MARCHF1: variants seen among roughly 807,000 people sequenced by gnomAD.
MARCHF1 encodes membrane associated ring-CH-type finger 1.
Under a neutral mutation model 54.2 loss-of-function variants are expected in MARCHF1, and 40 were observed. The ratio of observed to expected loss-of-function variants is 0.74; its 90% CI spans 0.57 to 0.96. The LOEUF is 0.96. MARCHF1 is among the 40% of genes least tolerant of loss of function. The pLI is 0.00. For synonymous variants in MARCHF1, 236 were observed against 236.3 expected, an observed-to-expected ratio of 1.00 and a Z score of 0.01; for missense variants, 586 against 656.5, an observed-to-expected ratio of 0.89 and a Z score of 1.17.
intron 4 of MARCHF1, among the ~76,000 whole-genome samples, chr4:163,790,648 G>T (rs1044776250): frequency 6.6e-6 from 1 of 152,106 alleles, no homozygotes; most frequent in African/African-American, 2.4e-5. Flanking sequence ...CTTTGTATCT[G>T]CAGTATAAGC....
intron 2 of MARCHF1, among the ~76,000 whole-genome samples, chr4:164,081,767 C>A (rs1755106498): frequency 6.6e-6 from 1 of 152,126 alleles, no homozygotes; most frequent in Admixed American, 6.6e-5. Flanking sequence ...GAAACCAGAT[C>A]ATTGGTCCTT....
chr4:163,894,574 C>CATATAT (rs1553961546), intron 3 of MARCHF1, among the ~76,000 whole-genome samples: 2 of 64,382 alleles, frequency 3.1e-5, no homozygotes, highest in African/African-American at 1.1e-4. Flanking sequence ...TATATATATG[C>CATATAT]ATGTGATGCA....
intron 1 of MARCHF1, among the ~76,000 whole-genome samples, chr4:164,214,935 G>A (rs1281638318): frequency 1.3e-5 from 2 of 152,078 alleles, no homozygotes; most frequent in African/African-American, 4.8e-5. Context: ...TGCCCCCGCC[G>A]CTCAAACCTC....
Position 163,828,054 on chromosome 4 carries a change from C to CACACACACACACAG in MARCHF1, c.111+25966_111+25967insCTGTGTGTGTGTGT, listed in dbSNP as rs774603753. On this transcript the variant is annotated intron_variant, in intron 4 of 9. Coordinates refer to ENST00000514618, the MANE Select transcript of MARCHF1 (RefSeq NM_001394959.1). The stretch of plus-strand genomic sequence containing the variant: ...ACACACACACACACACACACACACA[C>CACACACACACACAG]AGACACACCTTGTCATTCTCCTCCT... 1.8e-4 allele frequency among the ~76,000 whole-genome samples: 26 copies of CACACACACACACAG among 148,312 alleles called. No individual in the cohort carries two copies. The East Asian group carries it at 2.6e-3, about 15-fold the overall frequency.
chr4:164,220,539 AT>A (rs1732067718), intron 1 of MARCHF1, among the ~76,000 whole-genome samples: 1 of 145,764 alleles, frequency 6.9e-6, no homozygotes, highest in Non-Finnish European at 1.5e-5. Flanking sequence ...ATATATATCT[AT>A]ATATGTACTA....
At chr4:164,335,872 T>C (rs1424285929) in intron 1 of MARCHF1, among the ~76,000 whole-genome samples, 1 of 152,128 alleles carries the variant, frequency 6.6e-6, no homozygotes, top group Non-Finnish European at 1.5e-5. Flanking sequence ...GATATTTGCT[T>C]TAATACAGTG....
At chr4:164,263,906 A>G (rs565062406) in intron 1 of MARCHF1, among the ~76,000 whole-genome samples, 3 of 152,324 alleles carry the variant, frequency 2.0e-5, no homozygotes, top group African/African-American at 7.2e-5. Context: ...GGGTGTGCAA[A>G]TCAGTTCAAT....
intron 2 of MARCHF1, among the ~76,000 whole-genome samples, chr4:164,086,660 G>A (rs1056111561): frequency 6.6e-6 from 1 of 151,962 alleles, no homozygotes; most frequent in Non-Finnish European, 1.5e-5. Flanking sequence ...CATACTCTGT[G>A]TTTTTAATCA....
At chr4:163,838,222 C>T (rs1749242976) in intron 4 of MARCHF1, among the ~76,000 whole-genome samples, 1 of 152,128 alleles carries the variant, frequency 6.6e-6, no homozygotes, top group African/African-American at 2.4e-5. Flanking sequence ...TGGTCAGGTT[C>T]CTGATGTAAA....
intron 1 of MARCHF1, among the ~76,000 whole-genome samples, chr4:164,263,401 G>A (rs1464043397): frequency 3.3e-5 from 5 of 151,824 alleles, no homozygotes; most frequent in African/African-American, 9.7e-5. Context: ...TTTTTTTAGA[G>A]ATGTGGTTTT....
intron 2 of MARCHF1, among the ~76,000 whole-genome samples, chr4:164,050,965 T>A (rs1754352837): frequency 6.6e-6 from 1 of 152,000 alleles, no homozygotes. Flanking sequence ...ATAATAATAA[T>A]ATCCGTGAGA....
At chr4:164,207,979 G>GA (rs994511246) in intron 1 of MARCHF1, among the ~76,000 whole-genome samples, 3 of 151,502 alleles carry the variant, frequency 2.0e-5, no homozygotes, top group Admixed American at 6.6e-5. Flanking sequence ...AATAAAAGTT[G>GA]AAAAAAAACC....
chr4:163,809,904 C>G (rs577988702), intron 4 of MARCHF1, among the ~76,000 whole-genome samples: 5 of 152,118 alleles, frequency 3.3e-5, no homozygotes, highest in African/African-American at 1.2e-4. Context: ...TCATCTTATA[C>G]TATAATCTTT....
intron 3 of MARCHF1, among the ~76,000 whole-genome samples, chr4:163,883,152 T>C (rs1218956132): frequency 1.3e-5 from 2 of 152,126 alleles, no homozygotes; most frequent in African/African-American, 2.4e-5. Context: ...TGTTCCTGCC[T>C]GTACAGTTTC....
rs192167660 is a variant in MARCHF1 at position 163,606,611 on chromosome 4, C to T, written c.1010+5660G>A. On this transcript the variant is annotated intron_variant, in intron 7 of 9. Coordinates refer to ENST00000514618, the MANE Select transcript of MARCHF1 (RefSeq NM_001394959.1). ...ATGCCTAAATATGAGCATTTGGAGA[C>T]GAGGAGTGAGACATTTAAGAGGGGA... 2.6e-4 allele frequency among the ~76,000 whole-genome samples: 39 copies of T among 151,986 alleles called. No individual in the cohort carries two copies. The East Asian group carries it at 6.8e-3, about 26-fold the overall frequency.
At chr4:163,900,492 G>A (rs1750916061) in intron 3 of MARCHF1, among the ~76,000 whole-genome samples, 1 of 152,098 alleles carries the variant, frequency 6.6e-6, no homozygotes. Context: ...TTGTTCTGTA[G>A]TTGAGTTGGA....
intron 1 of MARCHF1, among the ~76,000 whole-genome samples, chr4:164,358,971 TATG>T (rs1476790821): frequency 6.6e-6 from 1 of 152,230 alleles, no homozygotes; most frequent in East Asian, 1.9e-4. Context: ...TGGAGGAAAA[TATG>T]ATAATACATT....
intron 1 of MARCHF1, among the ~76,000 whole-genome samples, chr4:164,175,176 A>C (rs115696196): frequency 1.8e-3 from 273 of 152,350 alleles, no homozygotes; most frequent in African/African-American, 6.4e-3. Context: ...GAAATAACAA[A>C]TGTGGATTAC....
chr4:163,760,147 T>C (rs995835944), intron 4 of MARCHF1, among the ~76,000 whole-genome samples: 4 of 152,158 alleles, frequency 2.6e-5, no homozygotes, highest in African/African-American at 9.7e-5. Context: ...GCCACCCACA[T>C]TCTTTGGCCT....
Sources: allele counts gnomAD v4.1 joint callset (sites outside exome capture counted in the v4.1 genomes callset), GRCh38; gene constraint gnomAD v4.1.1; transcripts MANE v1.5; gene names NCBI Gene and HGNC (gene_info 2026-07-23, HGNC 2026-07-21).